The following SORCS1 variants were observed in gnomAD, a reference collection of about 807,000 sequenced individuals.
SORCS1 encodes the protein VPS10 domain-containing receptor SorCS1.
In SORCS1, 60 loss-of-function variants were observed where a neutral mutation model predicts 146.1. That is an observed-to-expected ratio of 0.41 (90% CI 0.33 to 0.51). SORCS1 has a LOEUF of 0.51. Ranked by LOEUF, SORCS1 falls within the 20% of genes least tolerant of loss-of-function variation. The pLI is 0.21. For missense variants in SORCS1, 1,352 were observed against 1,487.6 expected (o/e 0.91, Z 1.50); for synonymous variants, 637 against 584.0 (o/e 1.09, Z -1.31).
the SORCS1 span, among the ~76,000 whole-genome samples, chr10:107,176,493 G>A: frequency 4.0e-5 from 6 of 151,600 alleles, no homozygotes; most frequent in Admixed American, 2.0e-4. Flanking sequence ...GCACTACTAC[G>A]CCTGGCTAAT....
At chr10:106,988,213 C>T (rs1447705902) in intron 1 of SORCS1, among the ~76,000 whole-genome samples, 2 of 152,222 alleles carry the variant, frequency 1.3e-5, no homozygotes, top group Non-Finnish European at 2.9e-5. Context: ...TCATGCCATA[C>T]TCACTTCCAC....
At position 106,618,081 on chromosome 10, in the gene SORCS1, C is replaced by A. The variant is rs937503127; in HGVS notation, c.2920+68G>T. On this transcript the variant is annotated intron_variant, in intron 21 of 25. Transcript: ENST00000263054. ...GTCACAGCTGGGGGATGGTCTCTGG[C>A]ATCATGGCACAAGAGAACCTCCTCT... The A allele has an allele frequency of 1.9e-6, 3 of 1,594,558 alleles. No individual in the cohort carries two copies. The African/African-American group carries it at 4.0e-5, about 21-fold the overall frequency.
At chr10:107,062,200 T>C (rs1314252905) in intron 1 of SORCS1, among the ~76,000 whole-genome samples, 1 of 152,190 alleles carries the variant, frequency 6.6e-6, no homozygotes, top group African/African-American at 2.4e-5. Context: ...AACAATAATC[T>C]TTATTTATAA....
At chr10:106,880,276 G>A (rs1414193013) in intron 2 of SORCS1, among the ~76,000 whole-genome samples, 2 of 152,142 alleles carry the variant, frequency 1.3e-5, no homozygotes, top group Non-Finnish European at 2.9e-5. Flanking sequence ...TTGCACTTCA[G>A]TCTTATTACA....
Position 106,579,429 on chromosome 10 carries a change from A to T in SORCS1, c.3311T>A (p.Leu1104Gln). The change falls in exon 25 of 26, where the codon CTG becomes CAG. Residue 1104 changes from leucine (L) to glutamine (Q), a missense_variant. Physicochemically the swap from Leu to Gln is moderately radical, Grantham distance 113. Around this residue, in one of 3 missense-constraint regions of SORCS1, gnomAD observed 214 missense variants for 204.8 expected, o/e 1.05. Transcript: ENST00000263054. ...LTPTHSGSAM[L>Q]MLLSVVFVGL... ...CACAAACACCACTGAGAGCAGCATC[A>T]GCATGGCAGATCCACTGTGGGTTGG... 1 of 1,614,008 alleles carries T rather than the reference A, an allele frequency of 6.2e-7. No homozygotes were observed. The highest frequency in any genetic ancestry group is 8.5e-7 in the Non-Finnish European group (1 of 1,179,978).
Position 106,688,416 on chromosome 10 carries a change from C to A in SORCS1, c.1414-78G>T, listed in dbSNP as rs1853036834. 1.3e-5 allele frequency: 20 copies of A among 1,520,942 alleles called. No individual in the cohort carries two copies. The South Asian group carries it at 2.6e-4, about 20-fold the overall frequency. 94.2% of individuals were successfully genotyped at this position (1,520,942 alleles called of 1,614,324 possible). The stretch of plus-strand genomic sequence containing the variant: ...TTGTTTACTTTTTAAAAAAAGAAGG[C>A]TGTCAAAGTCAGCTGAGAGCACTTG... On this transcript the variant is annotated intron_variant, in intron 9 of 25. Coordinates refer to ENST00000263054, the MANE Select transcript of SORCS1 (RefSeq NM_052918.5).
At chr10:106,787,719 G>A (rs1049541039) in intron 3 of SORCS1, among the ~76,000 whole-genome samples, 2 of 152,128 alleles carry the variant, frequency 1.3e-5, no homozygotes, top group African/African-American at 4.8e-5. Flanking sequence ...TATGGATCTG[G>A]CCTAGTATCT....
chr10:107,177,994 C>T, the SORCS1 span, among the ~76,000 whole-genome samples: 2 of 151,876 alleles, frequency 1.3e-5, no homozygotes, highest in Admixed American at 1.3e-4. Flanking sequence ...CAGAGTGGGG[C>T]CTGTTGGAGC....
chr10:106,805,286 A>G (rs945003777), intron 3 of SORCS1, among the ~76,000 whole-genome samples: 1 of 152,004 alleles, frequency 6.6e-6, no homozygotes, highest in Non-Finnish European at 1.5e-5. Context: ...TACGAAACTA[A>G]CCAGGGAGAT....
intron 1 of SORCS1, among the ~76,000 whole-genome samples, chr10:107,032,891 G>T (rs1375678076): frequency 6.6e-6 from 1 of 152,118 alleles, no homozygotes; most frequent in African/African-American, 2.4e-5. Context: ...ATTGACTACT[G>T]CAAGGATTTT....
chr10:107,113,086 T>C (rs113518017), intron 1 of SORCS1, among the ~76,000 whole-genome samples: 99 of 152,296 alleles, frequency 6.5e-4, no homozygotes, highest in African/African-American at 2.2e-3. Context: ...ACTTTCTCCA[T>C]GATAGATTAT....
intron 2 of SORCS1, among the ~76,000 whole-genome samples, chr10:106,908,712 C>T (rs944482652): frequency 1.3e-5 from 2 of 152,172 alleles, no homozygotes; most frequent in Non-Finnish European, 2.9e-5. Flanking sequence ...ATGGAGGAAG[C>T]CTGCCACAGA....
chr10:107,109,340 A>G (rs1198661700), intron 1 of SORCS1, among the ~76,000 whole-genome samples: 1 of 152,202 alleles, frequency 6.6e-6, no homozygotes, highest in African/African-American at 2.4e-5. Flanking sequence ...ACATCCTCCA[A>G]AATCTAGACG....
At chr10:106,605,170 G>A (rs1846488449) in intron 23 of SORCS1, among the ~76,000 whole-genome samples, 1 of 152,226 alleles carries the variant, frequency 6.6e-6, no homozygotes, top group African/African-American at 2.4e-5. Flanking sequence ...AGTCTGCCTT[G>A]AGGGCCACAC....
intron 10 of SORCS1, among the ~76,000 whole-genome samples, chr10:106,683,537 C>A (rs1376030206): frequency 6.6e-6 from 1 of 152,176 alleles, no homozygotes; most frequent in Non-Finnish European, 1.5e-5. Context: ...TGGGGAATTA[C>A]CATAAAATGG....
At chr10:107,095,891 A>G (rs1479079605) in intron 1 of SORCS1, among the ~76,000 whole-genome samples, 1 of 152,236 alleles carries the variant, frequency 6.6e-6, no homozygotes, top group African/African-American at 2.4e-5. Flanking sequence ...CCTGCTTACA[A>G]TAAACCTATA....
chr10:106,655,586 C>T (rs765866232), intron 17 of SORCS1, among the ~76,000 whole-genome samples: 3 of 152,196 alleles, frequency 2.0e-5, no homozygotes, highest in Non-Finnish European at 4.4e-5. Flanking sequence ...CTGAATCCTG[C>T]AATAACAGGA....
intron 24 of SORCS1, among the ~76,000 whole-genome samples, chr10:106,580,574 T>C (rs1236930179): frequency 6.6e-6 from 1 of 152,174 alleles, no homozygotes; most frequent in Non-Finnish European, 1.5e-5. Flanking sequence ...TTACCTTCCA[T>C]CAACTTAAGC....
Position 106,833,791 on chromosome 10 carries a change from T to G in SORCS1, c.627-4118A>C, listed in dbSNP as rs576756412. Among the ~76,000 whole-genome samples, 10 of 152,018 alleles carry G rather than the reference T, an allele frequency of 6.6e-5. No homozygotes were observed. In the South Asian group the frequency reaches 2.1e-3, roughly 32 times the overall value. The stretch of plus-strand genomic sequence containing the variant: ...GGCAATTTCTTTCTTTTGTTATTAT[T>G]ATTATTATTATTATTATTTTGAGAC... On this transcript the variant is annotated intron_variant, in intron 2 of 25. Transcript: ENST00000263054.
Sources: allele counts gnomAD v4.1 joint callset (sites outside exome capture counted in the v4.1 genomes callset), GRCh38; gene constraint gnomAD v4.1.1; regional missense constraint gnomAD v4.1.1; transcripts MANE v1.5; gene names NCBI Gene and HGNC (gene_info 2026-07-23, HGNC 2026-07-21).